Variants in ACBD6 observed in about 807,000 individuals in gnomAD.
The protein encoded by ACBD6 is acyl-CoA binding domain containing 6.
A neutral mutation model predicts 37.2 loss-of-function variants in ACBD6; 28 were observed. The observed-to-expected ratio is 0.75, with a 90% CI of 0.56 to 1.03. ACBD6 has a LOEUF of 1.03. Among genes scored for constraint, ACBD6 ranks in the 50% least tolerant of loss-of-function variants. ACBD6 has a pLI of 0.00. For missense variants in ACBD6, 340 were observed against 337.4 expected (o/e 1.01, Z -0.06); for synonymous variants, 113 against 126.8 (o/e 0.89, Z 0.73).
In ACBD6 at chr1:180,495,702, C is replaced by A. The variant is rs1651706506; in HGVS notation, c.223-177G>T. Reference sequence around the variant, plus strand: ...GCAAACAAAAACAATCAAACAGAATCAAACATTACATACAGCCTACTTTGG... The same window carrying A: ...GCAAACAAAAACAATCAAACAGAATAAAACATTACATACAGCCTACTTTGG... On this transcript the variant is annotated intron_variant, in intron 1 of 7. Transcript: ENST00000367595. Among the ~76,000 whole-genome samples the A allele has an allele frequency of 2.0e-5, 3 of 152,090 alleles. No homozygotes were observed. The South Asian group carries it at 6.2e-4, about 32-fold the overall frequency.
chr1:180,318,991 T>C (rs1364684744), intron 6 of ACBD6, among the ~76,000 whole-genome samples: 1 of 152,206 alleles, frequency 6.6e-6, no homozygotes, highest in Non-Finnish European at 1.5e-5. Context: ...CTTATTATAT[T>C]TTATTCTGCA....
chr1:180,320,315 T>C (rs1375893854), intron 6 of ACBD6, among the ~76,000 whole-genome samples: 4 of 152,196 alleles, frequency 2.6e-5, no homozygotes, highest in Non-Finnish European at 5.9e-5. Flanking sequence ...TTGAGAAAGA[T>C]CTATTCAAAT....
intron 4 of ACBD6, among the ~76,000 whole-genome samples, chr1:180,419,076 C>G (rs1177407224): frequency 5.3e-5 from 8 of 152,278 alleles, no homozygotes; most frequent in African/African-American, 1.9e-4. Context: ...ACGGTGAAAC[C>G]CCGTCTCTAC....
intron 3 of ACBD6, among the ~76,000 whole-genome samples, chr1:180,464,519 C>T (rs939848422): frequency 1.3e-5 from 2 of 152,208 alleles, no homozygotes; most frequent in Middle Eastern, 3.4e-3. Context: ...AATTACAAAA[C>T]ACTGCTCAAA....
chr1:180,275,023 T>C (rs887206679), exon 10 of ACBD6: 11 of 158,770 alleles, frequency 6.9e-5, no homozygotes, highest in Middle Eastern at 3.1e-3. Context: ...TCACAGCCCT[T>C]GAGTAAAATA....
chr1:180,391,765 T>G (rs10913980), intron 6 of ACBD6, among the ~76,000 whole-genome samples: 76,883 of 151,920 alleles, frequency 0.51, 21,508 homozygotes, highest in South Asian at 0.66. Flanking sequence ...AGGTTAAACA[T>G]AGAGCTATGC....
chr1:180,317,660 G>A (rs985753110), intron 6 of ACBD6, among the ~76,000 whole-genome samples: 2 of 152,174 alleles, frequency 1.3e-5, no homozygotes, highest in African/African-American at 4.8e-5. Context: ...GAGACATGGA[G>A]AGAGAATGAG....
intron 3 of ACBD6, among the ~76,000 whole-genome samples, chr1:180,474,371 A>G (rs182414853): frequency 1.2e-4 from 18 of 152,306 alleles, no homozygotes; most frequent in Admixed American, 4.6e-4. Flanking sequence ...CCTAGAAAAG[A>G]GCACCAGCCT....
At chr1:180,446,549 T>C (rs12070624) in intron 3 of ACBD6, among the ~76,000 whole-genome samples, 16,201 of 152,106 alleles carry the variant, frequency 0.11, 1,274 homozygotes, top group African/African-American at 0.21. Flanking sequence ...AGAATATTGG[T>C]TTCATCTCAT....
At chr1:180,380,765 C>T (rs1653612074) in intron 6 of ACBD6, among the ~76,000 whole-genome samples, 1 of 151,934 alleles carries the variant, frequency 6.6e-6, no homozygotes. Flanking sequence ...TACAGAATAC[C>T]ACTAAACTAC....
chr1:180,370,286 G>C (rs1653207089), intron 6 of ACBD6, among the ~76,000 whole-genome samples: 1 of 152,188 alleles, frequency 6.6e-6, no homozygotes, highest in Admixed American at 6.5e-5. Context: ...TCCTCAGAAA[G>C]GTGATAACTT....
chr1:180,314,536 C>A (rs896687069), intron 7 of ACBD6, among the ~76,000 whole-genome samples, 156 bp downstream of exon 7: 2 of 152,202 alleles, frequency 1.3e-5, no homozygotes, highest in Non-Finnish European at 1.5e-5. Flanking sequence ...TGAGCCCTCA[C>A]GCCCGGCCTA....
At chr1:180,391,320 T>C (rs534363651) in intron 6 of ACBD6, among the ~76,000 whole-genome samples, 1 of 152,134 alleles carries the variant, frequency 6.6e-6, no homozygotes, top group South Asian at 2.1e-4. Flanking sequence ...TCATAAAAAT[T>C]TAAAACTTTT....
At chr1:180,312,559 A>G (rs909787900) in intron 7 of ACBD6, among the ~76,000 whole-genome samples, 1 of 152,038 alleles carries the variant, frequency 6.6e-6, no homozygotes, top group Non-Finnish European at 1.5e-5. Context: ...ATTTTGTGTT[A>G]TCTACAATTC....
intron 4 of ACBD6, among the ~76,000 whole-genome samples, chr1:180,426,740 G>C (rs1648595856): frequency 1.3e-5 from 2 of 152,184 alleles, no homozygotes; most frequent in African/African-American, 4.8e-5. Flanking sequence ...CAGTTACACA[G>C]TAACTTATTT....
Position 180,351,590 on chromosome 1 carries a change from T to G in ACBD6, c.664-36868A>C, listed in dbSNP as rs1033420038. On this transcript the variant is annotated intron_variant, in intron 6 of 7. Coordinates refer to ENST00000367595, the MANE Select transcript of ACBD6 (RefSeq NM_032360.4). The stretch of plus-strand genomic sequence containing the variant: ...GCCTGGCCCGATATTACGTTTTTTT[T>G]TTTTTTTTTTTTGATAGGGCATTGA... Among the ~76,000 whole-genome samples the G allele has an allele frequency of 3.1e-4, 47 of 151,176 alleles. 1 individual carries two copies. The East Asian group carries it at 3.3e-3, about 11-fold the overall frequency.
At chr1:180,449,604 C>T (rs1649617995) in intron 3 of ACBD6, among the ~76,000 whole-genome samples, 1 of 151,896 alleles carries the variant, frequency 6.6e-6, no homozygotes, top group Non-Finnish European at 1.5e-5. Context: ...GACAAGGTTT[C>T]ACCATGTTGG....
At chr1:180,419,206 G>A (rs1269692325) in intron 4 of ACBD6, among the ~76,000 whole-genome samples, 2 of 152,076 alleles carry the variant, frequency 1.3e-5, no homozygotes, top group Non-Finnish European at 2.9e-5. Context: ...AGCAGAGATC[G>A]CGCCACTGCA....
chr1:180,484,332 T>C (rs1651173883), intron 3 of ACBD6, among the ~76,000 whole-genome samples: 5 of 152,248 alleles, frequency 3.3e-5, no homozygotes, highest in South Asian at 4.1e-4. Context: ...CATTTCACTA[T>C]ACATAAATTT....
Sources: allele counts gnomAD v4.1 joint callset (sites outside exome capture counted in the v4.1 genomes callset), GRCh38; gene constraint gnomAD v4.1.1; transcripts MANE v1.5; gene names NCBI Gene and HGNC (gene_info 2026-07-23, HGNC 2026-07-21).